Variants in MYO10 observed in about 807,000 individuals in gnomAD.
The protein encoded by MYO10 is myosin X.
In MYO10, 133 loss-of-function variants were observed where a neutral mutation model predicts 257.3. The observed-to-expected ratio is 0.52, with a 90% CI of 0.45 to 0.60. The LOEUF is 0.60. Ranked by LOEUF, MYO10 falls within the 20% of genes least tolerant of loss-of-function variation. The pLI is 0.00. For synonymous variants in MYO10, 1,104 were observed against 1,028.6 expected, an observed-to-expected ratio of 1.07 and a Z score of -1.40; for missense variants, 2,399 against 2,635.7, an observed-to-expected ratio of 0.91 and a Z score of 1.97.
In MYO10 at chr5:16,762,664, T is replaced by C. The variant is rs1046268721; in HGVS notation, c.1495-27A>G. 2.6e-6 allele frequency: 4 copies of C among 1,530,910 alleles called. No individual in the cohort carries two copies. In the Admixed American group the frequency reaches 5.7e-5, roughly 22 times the overall value. The allele number at this position is 1,530,910 out of a possible 1,614,324, so 94.8% of individuals were successfully genotyped here. A position where few individuals can be genotyped will look rare whatever the true frequency, so the allele number is the denominator to read the frequency against. On this transcript the variant is annotated intron_variant, in intron 14 of 40. Transcript: ENST00000513610. ...TAGAAGAAGAAAAAGAAAAAATGAA[T>C]TAAAAGTTGAATGTGGCTGGGTGCA...
At chr5:16,920,990 C>T (rs375604342) in intron 1 of MYO10, among the ~76,000 whole-genome samples, 2 of 151,940 alleles carry the variant, frequency 1.3e-5, no homozygotes, top group South Asian at 2.1e-4. Context: ...TGGTGGTGGG[C>T]GCCTGTAATC....
intron 2 of MYO10, among the ~76,000 whole-genome samples, chr5:16,855,254 A>T (rs1328025855): frequency 6.6e-6 from 1 of 152,172 alleles, no homozygotes; most frequent in African/African-American, 2.4e-5. Flanking sequence ...AATGGCAGGA[A>T]TTATTTTTTC....
chr5:16,852,860 T>A lies in MYO10; in HGVS notation c.120+24749A>T, dbSNP rs145969729. Among the ~76,000 whole-genome samples, 16 of 152,224 alleles carry A rather than the reference T, an allele frequency of 1.1e-4. No individual in the cohort carries two copies. The East Asian group carries it at 2.5e-3, about 24-fold the overall frequency. On this transcript the variant is annotated intron_variant, in intron 2 of 40. Transcript: ENST00000513610. ...AATGCTTGAATTAAAATGCCCCACA[T>A]AAACCTCATGGGAATTTCTTCCAGG...
chr5:16,771,849 G>A (rs917199301), intron 9 of MYO10, among the ~76,000 whole-genome samples: 1 of 150,538 alleles, frequency 6.6e-6, no homozygotes, highest in African/African-American at 2.4e-5. Flanking sequence ...CCAAAGTGCT[G>A]GAATTACAGG....
intron 4 of MYO10, among the ~76,000 whole-genome samples, chr5:16,792,132 CAGAGAGAG>C (rs1553996647): frequency 3.3e-4 from 25 of 75,374 alleles, no homozygotes; most frequent in East Asian, 1.7e-3. Context: ...CACACACACA[CAGAGAGAG>C]AGAGAGAGAG....
At chr5:16,920,116 G>GA (rs923286450) in intron 1 of MYO10, among the ~76,000 whole-genome samples, 1 of 149,388 alleles carries the variant, frequency 6.7e-6, no homozygotes, top group South Asian at 2.1e-4. Context: ...TCTCAAAAAA[G>GA]AAAAAAAATT....
intron 21 of MYO10, among the ~76,000 whole-genome samples, chr5:16,707,488 AC>A (rs941104882): frequency 1.3e-5 from 2 of 152,112 alleles, no homozygotes; most frequent in African/African-American, 4.8e-5. Flanking sequence ...GTTCTTTTTC[AC>A]TTTTATCTTC....
intron 1 of MYO10, among the ~76,000 whole-genome samples, chr5:16,880,653 A>G (rs924378587): frequency 1.3e-5 from 2 of 152,214 alleles, no homozygotes; most frequent in Non-Finnish European, 2.9e-5. Flanking sequence ...AAGAACACAC[A>G]GCACCAACAG....
At chr5:16,786,998 G>A (rs994455469) in intron 4 of MYO10, among the ~76,000 whole-genome samples, 2 of 152,090 alleles carry the variant, frequency 1.3e-5, no homozygotes, top group Admixed American at 6.6e-5. Flanking sequence ...GTGAAACCCC[G>A]TCTCTACTAA....
intron 3 of MYO10, among the ~76,000 whole-genome samples, chr5:16,803,405 C>A (rs61649060): frequency 0.013 from 1,928 of 152,066 alleles, 40 homozygotes; most frequent in African/African-American, 0.044. Context: ...TCCAGCCTGA[C>A]AGAGTGAGAC....
intron 1 of MYO10, among the ~76,000 whole-genome samples, chr5:16,912,337 G>A (rs1484235635): frequency 6.6e-6 from 1 of 152,162 alleles, no homozygotes; most frequent in African/African-American, 2.4e-5. Context: ...TGGCAACACT[G>A]AGCCCTAATT....
At chr5:16,705,249 A>T (rs1398261324) in intron 21 of MYO10, among the ~76,000 whole-genome samples, 1 of 152,238 alleles carries the variant, frequency 6.6e-6, no homozygotes, top group Non-Finnish European at 1.5e-5. Flanking sequence ...CGTTAAGAAC[A>T]TTATTCTGAA....
intron 18 of MYO10, 43 bp downstream of exon 18, chr5:16,758,075 T>G (rs760951775): frequency 7.1e-7 from 1 of 1,406,102 alleles, no homozygotes; most frequent in African/African-American, 1.4e-5. Context: ...TTCTTAAAAA[T>G]ACAGTAACGA....
rs1263634944 is a variant in MYO10, at chr5:16,666,069, A to G, written c.*623T>C. ...TTTTAATGCTCATGAAACCATGATT[A>G]AAGTGTTGAGTTTATGAACACATGC... On this transcript the variant is annotated 3_prime_UTR_variant, in exon 41 of 41. Transcript: ENST00000513610. 6.5e-6 allele frequency: 1 copy of G among 152,742 alleles called. No homozygotes were observed. The highest frequency in any genetic ancestry group is 1.5e-5 in the Non-Finnish European group (1 of 68,112). 9.5% of individuals were successfully genotyped at this position (152,742 alleles called of 1,614,324 possible). A position where few individuals can be genotyped will look rare whatever the true frequency, so the allele number is the denominator to read the frequency against.
intron 1 of MYO10, among the ~76,000 whole-genome samples, chr5:16,912,880 C>T (rs1188633840): frequency 3.3e-5 from 5 of 150,342 alleles, no homozygotes; most frequent in Admixed American, 3.3e-4. Context: ...ATTTCAGCCT[C>T]CAGCAAGTCA....
At chr5:16,793,524 T>C (rs1046416237) in intron 4 of MYO10, among the ~76,000 whole-genome samples, 3 of 152,144 alleles carry the variant, frequency 2.0e-5, no homozygotes, top group Admixed American at 2.0e-4. Flanking sequence ...GGTTTCATCA[T>C]GTTGGCCAGG....
At chr5:16,668,608 G>T in intron 39 of MYO10, 140 bp from the exon 40 acceptor site, 3 of 593,296 alleles carry the variant, frequency 5.1e-6, no homozygotes, top group Non-Finnish European at 8.0e-6. Flanking sequence ...GCATGGAGGG[G>T]CCTGAAATAT....
At chr5:16,867,617 C>T (rs1744318547) in intron 2 of MYO10, among the ~76,000 whole-genome samples, 1 of 152,288 alleles carries the variant, frequency 6.6e-6, no homozygotes, top group East Asian at 1.9e-4. Context: ...TTAACTCCAA[C>T]AAACCAAAAC....
In MYO10 at chr5:16,869,137, G is replaced by A. The variant is rs1428735490; in HGVS notation, c.120+8472C>T. On this transcript the variant is annotated intron_variant, in intron 2 of 40. Transcript: ENST00000513610. The stretch of plus-strand genomic sequence containing the variant: ...TCTCCCAGGTTCACGCCATTCTCCT[G>A]CCTCAGCCTCCTGAGTAGCTGGGAC... Among the ~76,000 whole-genome samples the A allele has an allele frequency of 2.7e-5, 4 of 150,764 alleles. No homozygotes were observed. In the East Asian group the frequency reaches 7.8e-4, roughly 30 times the overall value.
Sources: allele counts gnomAD v4.1 joint callset (sites outside exome capture counted in the v4.1 genomes callset), GRCh38; gene constraint gnomAD v4.1.1; transcripts MANE v1.5; gene names NCBI Gene and HGNC (gene_info 2026-07-23, HGNC 2026-07-21).